SPG11: variants seen among roughly 807,000 people sequenced by gnomAD.
The protein encoded by SPG11 is SPG11 vesicle trafficking associated, spatacsin.
SPG11 carries 222 observed loss-of-function variants against 274.0 expected under a neutral mutation model. The ratio of observed to expected loss-of-function variants is 0.81; its 90% CI spans 0.73 to 0.91. The LOEUF (loss-of-function observed/expected upper bound fraction) is 0.91. Ranked by LOEUF, SPG11 falls within the 40% of genes least tolerant of loss-of-function variation. SPG11 has a pLI of 0.00. For synonymous variants in SPG11, 1,144 were observed against 1,039.7 expected, an observed-to-expected ratio of 1.10 and a Z score of -1.93; for missense variants, 3,114 against 2,872.7, an observed-to-expected ratio of 1.08 and a Z score of -1.92.
chr15:44,599,450 C>G (rs2083127463), intron 21 of SPG11, among the ~76,000 whole-genome samples: 1 of 152,138 alleles, frequency 6.6e-6, no homozygotes, highest in Non-Finnish European at 1.5e-5. Flanking sequence ...CAGGCACCCA[C>G]CACCATGCCT....
In SPG11 at chr15:44,600,490, G is replaced by T. The variant is rs1388337783; in HGVS notation, c.3663C>A (p.Ile1221=). Residue 1221 remains isoleucine (I), a synonymous_variant, in exon 21 of 40, where the codon ATC becomes ATA. Transcript: ENST00000261866. The part of the protein sequence containing the change: ...AFGTFLVQEL[I]KSKTPKQLIQ... ...ACAGCTGCTTGGGAGTCTTGCTCTTGATTAATTCCTGGACCAGAAAAGTAC... is the reference window on the plus strand; with the variant it reads ...ACAGCTGCTTGGGAGTCTTGCTCTTTATTAATTCCTGGACCAGAAAAGTAC... 6 of 1,613,926 alleles carry T rather than the reference G, an allele frequency of 3.7e-6. No homozygotes were observed. The Admixed American group carries it at 1.0e-4, about 27-fold the overall frequency.
chr15:44,623,227 GCATGAGC>G (rs1231627700), intron 11 of SPG11, among the ~76,000 whole-genome samples: 1 of 152,150 alleles, frequency 6.6e-6, no homozygotes, highest in Non-Finnish European at 1.5e-5. Context: ...AGGATTACAG[GCATGAGC>G]CACCCTGCCT....
In SPG11 at chr15:44,564,540, T is replaced by C; in HGVS notation, c.7151+7A>G. The C allele has an allele frequency of 6.2e-7, 1 of 1,613,442 alleles. No individual in the cohort carries two copies. Among genetic ancestry groups the C allele is most frequent in the East Asian group, 2.2e-5 (1 of 44,874 alleles). ...AGCAATGTTTACAGTCAACTTTTAA[T>C]ACTTACTTTTTGGAAATCTCTTCAA... On this transcript the variant is annotated splice_region_variant and intron_variant, in intron 39 of 39. Coordinates refer to ENST00000261866, the MANE Select transcript of SPG11 (RefSeq NM_025137.4).
At position 44,574,812 on chromosome 15, in the gene SPG11, A is replaced by C. The variant is rs543156419; in HGVS notation, c.6006+90T>G. 67 of 1,485,678 alleles carry C rather than the reference A, an allele frequency of 4.5e-5. No homozygotes were observed. In the Admixed American group the frequency reaches 4.7e-4, roughly 10 times the overall value. The allele number at this position is 1,485,678 out of a possible 1,614,324, so 92.0% of individuals were successfully genotyped here. A position where few individuals can be genotyped will look rare whatever the true frequency, so the allele number is the denominator to read the frequency against. The stretch of plus-strand genomic sequence containing the variant: ...TACTCCCAGGTCATGATTATCATCT[A>C]AAAGGCTGACTTGGCAATGTCCAAA... On this transcript the variant is annotated intron_variant, in intron 31 of 39. Coordinates refer to ENST00000261866, the MANE Select transcript of SPG11 (RefSeq NM_025137.4).
At position 44,615,242 on chromosome 15, in the gene SPG11, C is replaced by G. The variant is rs983154267; in HGVS notation, c.3038+121G>C. 15 of 982,128 alleles carry G rather than the reference C, an allele frequency of 1.5e-5. No homozygotes were observed. The Admixed American group carries it at 1.9e-4, about 13-fold the overall frequency. 60.8% of individuals were successfully genotyped at this position (982,128 alleles called of 1,614,324 possible). ...ACTGTTGAGATGGAGAAAACTACCT[C>G]AAAAAGATCAGTATTCCTCGTGTGA... On this transcript the variant is annotated intron_variant, in intron 16 of 39. Transcript: ENST00000261866.
chr15:44,571,831 G>C (rs1026247473), intron 33 of SPG11, among the ~76,000 whole-genome samples: 1 of 152,024 alleles, frequency 6.6e-6, no homozygotes, highest in African/African-American at 2.4e-5. Flanking sequence ...TTACTCTGTT[G>C]CCCAGACTAG....
chr15:44,580,488 A>T (rs2082637894), intron 30 of SPG11, among the ~76,000 whole-genome samples: 1 of 152,280 alleles, frequency 6.6e-6, no homozygotes, highest in Non-Finnish European at 1.5e-5. Flanking sequence ...GTTTAAAAAA[A>T]ACTGAACTGG....
Position 44,585,638 on chromosome 15 carries a change from C to T in SPG11, c.5119G>A (p.Glu1707Lys), listed in dbSNP as rs769615648. The T allele has an allele frequency of 3.6e-6, 5 of 1,408,006 alleles. No individual in the cohort carries two copies. The South Asian group carries it at 4.6e-5, about 13-fold the overall frequency. The allele number at this position is 1,408,006 out of a possible 1,614,324, so 87.2% of individuals were successfully genotyped here. Residue 1707 changes from glutamate (E) to lysine (K), a missense_variant and splice_region_variant, in exon 29 of 40, where the codon GAG becomes AAG. Coordinates refer to ENST00000261866, the MANE Select transcript of SPG11 (RefSeq NM_025137.4). ...ELPVDNLVIK[E>K]ITQEMQTLKH... ...AAAAAAAAAAAGACCGATGATACCTCTTTAATAACCAAGTTGTCCACAGGT... is the reference window on the plus strand; with the variant it reads ...AAAAAAAAAAAGACCGATGATACCTTTTTAATAACCAAGTTGTCCACAGGT...
chr15:44,630,315 T>C (rs2084024278), intron 8 of SPG11, among the ~76,000 whole-genome samples: 1 of 152,162 alleles, frequency 6.6e-6, no homozygotes, highest in Non-Finnish European at 1.5e-5. Flanking sequence ...GGTAAGGCTA[T>C]TACCAGTGCT....
Position 44,563,106 on chromosome 15 carries a change from C to A in SPG11, c.*15G>T. 1 of 1,613,206 alleles carries A rather than the reference C, an allele frequency of 6.2e-7. No homozygotes were observed. Among genetic ancestry groups the A allele is most frequent in the Non-Finnish European group, 8.5e-7 (1 of 1,179,338 alleles). ...TCTGCTAACAGTACAAGAAAACAGA[C>A]ACCTATGAAATCATCTAACCTGCTA... On this transcript the variant is annotated 3_prime_UTR_variant, in exon 40 of 40. Coordinates refer to ENST00000261866, the MANE Select transcript of SPG11 (RefSeq NM_025137.4).
chr15:44,662,659 A>T (rs1443950355), intron 1 of SPG11, among the ~76,000 whole-genome samples: 1 of 146,818 alleles, frequency 6.8e-6, no homozygotes, highest in African/African-American at 2.6e-5. Context: ...TTAAAAAAAA[A>T]AAAAAAAAAA....
chr15:44,623,658 T>A (rs773045881), intron 11 of SPG11, among the ~76,000 whole-genome samples: 1 of 152,182 alleles, frequency 6.6e-6, no homozygotes, highest in Non-Finnish European at 1.5e-5. Context: ...CTCCAACAAA[T>A]AATGAGCTCC....
At chr15:44,583,728 A>G (rs2082699672) in intron 30 of SPG11, 86 bp downstream of exon 30, 2 of 1,578,596 alleles carry the variant, frequency 1.3e-6, no homozygotes, top group Admixed American at 1.7e-5. Flanking sequence ...TGGTAGAACT[A>G]TTCTGCCACA....
rs763244237 is a variant in SPG11, at chr15:44,598,774, A to G, written c.3749T>C (p.Ile1250Thr). ...TAAGAAACAAACACATGCAGCTCCT[A>G]TTGAAGGTATGTGGAAGGAGGAGAG... ...IGLSSFHIPS[I>T]GAACVCFLEL... Residue 1250 changes from isoleucine (I) to threonine (T), a missense_variant, in exon 22 of 40, where the codon ATA becomes ACA. By Grantham distance (89) the Ile-to-Thr change is moderately conservative. Coordinates refer to ENST00000261866, the MANE Select transcript of SPG11 (RefSeq NM_025137.4). The G allele has an allele frequency of 1.4e-5, 22 of 1,614,092 alleles. No individual in the cohort carries two copies. In the East Asian group the frequency reaches 4.9e-4, roughly 36 times the overall value.
Position 44,595,472 on chromosome 15 carries a change from A to AC in SPG11, c.4435-14_4435-13insG. On this transcript the variant is annotated splice_polypyrimidine_tract_variant and intron_variant, in intron 25 of 39. Coordinates refer to ENST00000261866, the MANE Select transcript of SPG11 (RefSeq NM_025137.4). ...TGGCACTGGCACCCTGCCACGGGAT[A>AC]AATAAAATAACAACTAGGCCTGGAT... 1 of 1,613,448 alleles carries AC rather than the reference A, an allele frequency of 6.2e-7. No homozygotes were observed. The highest frequency in any genetic ancestry group is 8.5e-7 in the Non-Finnish European group (1 of 1,179,444).
At chr15:44,636,442 C>T (rs1039840185) in intron 7 of SPG11, among the ~76,000 whole-genome samples, 1 of 150,602 alleles carries the variant, frequency 6.6e-6, no homozygotes, top group South Asian at 2.1e-4. Context: ...AAAAAAGGTA[C>T]AATTAAAACA....
intron 7 of SPG11, among the ~76,000 whole-genome samples, chr15:44,646,797 G>C (rs535497267): frequency 6.6e-6 from 1 of 152,220 alleles, no homozygotes; most frequent in African/African-American, 2.4e-5. Context: ...ACAAAAAGAA[G>C]AGAACAACAG....
At chr15:44,578,860 A>C (rs2082600665) in intron 30 of SPG11, among the ~76,000 whole-genome samples, 1 of 152,242 alleles carries the variant, frequency 6.6e-6, no homozygotes, top group African/African-American at 2.4e-5. Context: ...ACACTATTCA[A>C]AATGTCCAGA....
intron 23 of SPG11, among the ~76,000 whole-genome samples, chr15:44,597,697 A>T (rs2040507200): frequency 6.6e-6 from 1 of 152,186 alleles, no homozygotes; most frequent in African/African-American, 2.4e-5. Context: ...AGAATCAGTG[A>T]TAGGATGTAC....
Sources: gnomAD v4.1 joint callset for allele counts (sites outside exome capture counted in the v4.1 genomes callset) on GRCh38, gnomAD v4.1.1 for gene constraint, MANE v1.5 for transcripts, NCBI Gene and HGNC (gene_info 2026-07-23, HGNC 2026-07-21) for gene names.